Variants in LRRIQ4 observed in about 807,000 individuals in gnomAD.
LRRIQ4 encodes leucine-rich repeat and IQ domain-containing protein 4.
In LRRIQ4, 21 loss-of-function variants were observed where a neutral mutation model predicts 40.1. The ratio of observed to expected loss-of-function variants is 0.52; its 90% CI spans 0.37 to 0.75. LRRIQ4 has a LOEUF of 0.75. LRRIQ4 is among the 30% of genes least tolerant of loss of function. LRRIQ4 has a pLI of 0.00. For missense variants in LRRIQ4, 655 were observed against 660.0 expected (o/e 0.99, Z 0.08); for synonymous variants, 277 against 277.1 (o/e 1.00, Z 0.00).
chr3:169,831,405 C>T lies in LRRIQ4; in HGVS notation c.1333+775C>T, dbSNP rs1356386159. Among the ~76,000 whole-genome samples, 8 of 122,062 alleles carry T rather than the reference C, an allele frequency of 6.6e-5. No homozygotes were observed. In the Admixed American group the frequency reaches 7.4e-4, roughly 11 times the overall value. The allele number at this position is 122,062 out of a possible 152,430, so 80.1% of individuals were successfully genotyped here. On this transcript the variant is annotated intron_variant, in intron 4 of 5. Transcript: ENST00000340806. ...TCTTCTGCCTCAGCCTCCTGAGTAG[C>T]TGGAACTACAGGCGCCCGCCACCAC...
At chr3:169,813,705 G>C (rs190219084) in intron 1 of LRRIQ4, among the ~76,000 whole-genome samples, 43 of 152,300 alleles carry the variant, frequency 2.8e-4, no homozygotes, top group African/African-American at 1.0e-3. Flanking sequence ...GGGTCTTTGA[G>C]CCCCTGTGCT....
chr3:169,828,863 G>A lies in LRRIQ4; in HGVS notation c.1125G>A (p.Glu375=). The change falls in exon 3 of 6, where the codon GAG becomes GAA. Residue 375 remains glutamate, a synonymous_variant. Coordinates refer to ENST00000340806, the MANE Select transcript of LRRIQ4 (RefSeq NM_001080460.3). The part of the protein sequence containing the change: ...PEEVLSLASL[E]KLYIGQDQGF... ...AAGTCCTTTCTTTAGCGTCTTTAGA[G>A]AAATTATACATTGGGCAAGACCAGG... The A allele has an allele frequency of 6.2e-7, 1 of 1,613,908 alleles. No homozygotes were observed. Among genetic ancestry groups the A allele is most frequent in the Non-Finnish European group, 8.5e-7 (1 of 1,179,872 alleles).
chr3:169,820,069 A>G (rs1459127855), intron 1 of LRRIQ4, among the ~76,000 whole-genome samples: 3 of 152,228 alleles, frequency 2.0e-5, no homozygotes, highest in Non-Finnish European at 4.4e-5. Context: ...TTTGAGGAAT[A>G]GCAGTATTAT....
chr3:169,837,618 G>GA lies in LRRIQ4; in HGVS notation c.1676dup (p.Lys560GlufsTer5), dbSNP rs781740274. On this transcript the variant is annotated frameshift_variant, in exon 6 of 6. Coordinates refer to ENST00000340806, the MANE Select transcript of LRRIQ4 (RefSeq NM_001080460.3). LOFTEE classifies it high-confidence loss of function. ...GATGTAAAAGGAAAACCAGGAAAGG[G>GA]AAAAAAGAAATAATCCTGTAAATTG... 7 of 1,571,874 alleles carry GA rather than the reference G, an allele frequency of 4.5e-6. 1 individual carries two copies. In the South Asian group the frequency reaches 6.0e-5, roughly 13 times the overall value.
At chr3:169,834,319 G>A (rs538327699) in intron 5 of LRRIQ4, among the ~76,000 whole-genome samples, 2 of 152,312 alleles carry the variant, frequency 1.3e-5, no homozygotes, top group East Asian at 3.9e-4. Flanking sequence ...CCTAGATTGT[G>A]CCACTGCACT....
chr3:169,813,523 G>A (rs1346435971), intron 1 of LRRIQ4, among the ~76,000 whole-genome samples: 1 of 152,164 alleles, frequency 6.6e-6, no homozygotes, highest in Non-Finnish European at 1.5e-5. Flanking sequence ...TGGAGGTAGG[G>A]AACATAAGGC....
intron 5 of LRRIQ4, among the ~76,000 whole-genome samples, chr3:169,836,401 G>T (rs972402233): frequency 2.0e-5 from 3 of 152,192 alleles, no homozygotes; most frequent in African/African-American, 7.2e-5. Context: ...TAAGGTCAGA[G>T]TATCAGCATG....
chr3:169,826,254 T>C (rs1245158941), intron 2 of LRRIQ4, among the ~76,000 whole-genome samples: 3 of 151,942 alleles, frequency 2.0e-5, no homozygotes, highest in Non-Finnish European at 4.4e-5. Context: ...TAGCCGGGCA[T>C]GGTAGTGGGC....
chr3:169,819,231 A>G (rs1359671144), intron 1 of LRRIQ4, among the ~76,000 whole-genome samples: 3 of 152,222 alleles, frequency 2.0e-5, no homozygotes, highest in Non-Finnish European at 4.4e-5. Context: ...AGCTATTGCA[A>G]ATCTGGGTTT....
intron 4 of LRRIQ4, among the ~76,000 whole-genome samples, chr3:169,831,325 G>C (rs2901548): frequency 1.5e-5 from 2 of 129,256 alleles, no homozygotes; most frequent in South Asian, 2.7e-4. Flanking sequence ...TCAGGCTGGA[G>C]TGCAGTGGCG....
chr3:169,817,715 C>T (rs1023173375), intron 1 of LRRIQ4, among the ~76,000 whole-genome samples: 2 of 151,964 alleles, frequency 1.3e-5, no homozygotes, highest in African/African-American at 2.4e-5. Flanking sequence ...GCTTTTGTCT[C>T]GAAATCTATT....
intron 5 of LRRIQ4, 148 bp from the exon 6 acceptor site, chr3:169,837,331 G>A (rs909172419): frequency 1.0e-6 from 1 of 952,556 alleles, no homozygotes; most frequent in Non-Finnish European, 1.5e-6. Flanking sequence ...CTAGCCAATT[G>A]AGAAAGATAG....
chr3:169,832,631 C>CAAAAAAAA (rs3047516), intron 4 of LRRIQ4, among the ~76,000 whole-genome samples: 1 of 67,358 alleles, frequency 1.5e-5, no homozygotes, highest in Non-Finnish European at 2.8e-5. Context: ...GACTCTGTCT[C>CAAAAAAAA]AAAAAAAAAA....
intron 2 of LRRIQ4, among the ~76,000 whole-genome samples, chr3:169,823,338 T>A (rs1576763605): frequency 6.7e-6 from 1 of 149,236 alleles, no homozygotes; most frequent in Admixed American, 6.8e-5. Context: ...AGGGTCTACA[T>A]TCTTTTTTTT....
chr3:169,822,587 C>T lies in LRRIQ4; in HGVS notation c.666C>T (p.Asn222=), dbSNP rs1779930778. ...GLQKFYMASN[N]LPVLPASLCQ... ...AGAAGTTCTATATGGCTTCTAACAA[C>T]CTTCCCGTTCTGCCCGCGTCCTTGT... The change falls in exon 2 of 6, where the codon AAC becomes AAT. Residue 222 remains asparagine (N), a synonymous_variant. Transcript: ENST00000340806. 6.2e-7 allele frequency: 1 copy of T among 1,613,994 alleles called. No homozygotes were observed. The highest frequency in any genetic ancestry group is 8.5e-7 in the Non-Finnish European group (1 of 1,179,890).
chr3:169,814,385 G>T (rs1779715116), intron 1 of LRRIQ4, among the ~76,000 whole-genome samples: 1 of 152,154 alleles, frequency 6.6e-6, no homozygotes, highest in African/African-American at 2.4e-5. Context: ...CTGCTCCTCT[G>T]TTCCTCTCAA....
Position 169,830,580 on chromosome 3 carries a change from G to A in LRRIQ4, c.1283G>A (p.Cys428Tyr), listed in dbSNP as rs759050902. 2 of 1,613,740 alleles carry A rather than the reference G, an allele frequency of 1.2e-6. No homozygotes were observed. Among genetic ancestry groups the A allele is most frequent in the Non-Finnish European group, 8.5e-7 (1 of 1,179,824 alleles). Reference sequence around the variant, plus strand: ...ATGCCTAACCTAGAAGTTCTTGATTGCCGGCACAATTTGCTTAAGCAACTT... The same window carrying A: ...ATGCCTAACCTAGAAGTTCTTGATTACCGGCACAATTTGCTTAAGCAACTT... ...GSMPNLEVLDCRHNLLKQLPD... is the reference protein window; with the variant it reads ...GSMPNLEVLDYRHNLLKQLPD... Residue 428 changes from cysteine (C) to tyrosine (Y), a missense_variant, in exon 4 of 6, where the codon TGC becomes TAC. Coordinates refer to ENST00000340806, the MANE Select transcript of LRRIQ4 (RefSeq NM_001080460.3).
At chr3:169,833,652 A>G (rs1258143351) in intron 5 of LRRIQ4, among the ~76,000 whole-genome samples, 1 of 152,190 alleles carries the variant, frequency 6.6e-6, no homozygotes, top group Non-Finnish European at 1.5e-5. Flanking sequence ...GAGATGTAGG[A>G]CAGGTCTGGA....
rs747755380 is a variant in LRRIQ4, at chr3:169,822,716, C to G, written c.795C>G (p.Ser265Arg). Residue 265 changes from serine to arginine, a missense_variant, in exon 2 of 6, where the codon AGC (serine) becomes AGG (arginine). Transcript: ENST00000340806. ...GGAAGATGACGGAAATCGGGCTGAG[C>G]GGGAACCGCCTGGAGAAGGTGCCAC... ...ELRKMTEIGL[S>R]GNRLEKVPRL... The G allele has an allele frequency of 6.2e-7, 1 of 1,613,854 alleles. No homozygotes were observed. The highest frequency in any genetic ancestry group is 8.5e-7 in the Non-Finnish European group (1 of 1,179,844).
Sources: gnomAD v4.1 joint callset for allele counts (sites outside exome capture counted in the v4.1 genomes callset) on GRCh38, gnomAD v4.1.1 for gene constraint, MANE v1.5 for transcripts, NCBI Gene and HGNC (gene_info 2026-07-23, HGNC 2026-07-21) for gene names.